The following MGMT variants were observed in gnomAD, a reference collection of about 807,000 sequenced individuals.
MGMT encodes methylated-DNA--protein-cysteine methyltransferase.
A neutral mutation model predicts 15.9 loss-of-function variants in MGMT; 14 were observed. That is an observed-to-expected ratio of 0.88 (90% CI 0.58 to 1.37). The LOEUF (loss-of-function observed/expected upper bound fraction) is 1.37. Among genes scored for constraint, MGMT ranks in the 40% most tolerant of loss-of-function variants. The pLI, the probability that MGMT is intolerant of heterozygous loss-of-function variation, is 0.00. For missense variants in MGMT, 282 were observed against 268.1 expected (o/e 1.05, Z -0.36); for synonymous variants, 130 against 118.2 (o/e 1.10, Z -0.65).
chr10:129,714,356 T>C (rs1269360020), intron 3 of MGMT, among the ~76,000 whole-genome samples: 1 of 152,238 alleles, frequency 6.6e-6, no homozygotes, highest in African/African-American at 2.4e-5. Flanking sequence ...ACCTAGCAAT[T>C]GTCATGAGTA....
intron 3 of MGMT, among the ~76,000 whole-genome samples, chr10:129,731,356 C>CTTTTT (rs547636043): frequency 2.4e-4 from 23 of 96,994 alleles, no homozygotes; most frequent in East Asian, 3.3e-4. Flanking sequence ...AAACCTAAGA[C>CTTTTT]TTTTTTTTTT....
chr10:129,578,628 T>C (rs992846875), intron 2 of MGMT, among the ~76,000 whole-genome samples: 1 of 152,144 alleles, frequency 6.6e-6, no homozygotes, highest in Non-Finnish European at 1.5e-5. Flanking sequence ...CACATGTATA[T>C]GTATGTAAGA....
chr10:129,561,965 A>G (rs1431622431), intron 2 of MGMT, among the ~76,000 whole-genome samples: 2 of 152,230 alleles, frequency 1.3e-5, no homozygotes, highest in East Asian at 1.9e-4. Context: ...AATGAGCTGT[A>G]TAATATGGAC....
At chr10:129,598,890 G>C (rs1846784626) in intron 2 of MGMT, among the ~76,000 whole-genome samples, 1 of 152,090 alleles carries the variant, frequency 6.6e-6, no homozygotes, top group African/African-American at 2.4e-5. Context: ...TTTTGACAGG[G>C]ACATCATTTT....
rs780226670 is a variant in MGMT at position 129,729,245 on chromosome 10, G to A, written c.274+21202G>A. ...CGTGCCTCGTGTGAAAAACGAAAGG[G>A]CCCCACGGGCTGTGTCTGATGGTGT... On this transcript the variant is annotated intron_variant, in intron 3 of 4. Transcript: ENST00000651593. Among the ~76,000 whole-genome samples, 4 of 152,262 alleles carry A rather than the reference G, an allele frequency of 2.6e-5. No homozygotes were observed. The South Asian group carries it at 8.3e-4, about 32-fold the overall frequency.
intron 2 of MGMT, among the ~76,000 whole-genome samples, chr10:129,580,872 C>T (rs928063156): frequency 1.3e-5 from 2 of 152,206 alleles, no homozygotes; most frequent in Non-Finnish European, 2.9e-5. Flanking sequence ...GGCTGCCTTA[C>T]CCTTAGAAGA....
At chr10:129,757,233 A>G (rs935063894) in intron 3 of MGMT, among the ~76,000 whole-genome samples, 1 of 152,220 alleles carries the variant, frequency 6.6e-6, no homozygotes, top group African/African-American at 2.4e-5. Flanking sequence ...ATCTATGGAC[A>G]TATAATTGTT....
intron 2 of MGMT, among the ~76,000 whole-genome samples, chr10:129,559,344 A>G (rs1276550130): frequency 1.3e-5 from 2 of 152,150 alleles, no homozygotes. Context: ...ATCCCATAAG[A>G]CCTTTAAAGC....
At chr10:129,638,744 A>G (rs1362270187) in intron 2 of MGMT, among the ~76,000 whole-genome samples, 1 of 152,216 alleles carries the variant, frequency 6.6e-6, no homozygotes, top group African/African-American at 2.4e-5. Context: ...TAACAATTAT[A>G]ATAAATGTAA....
At chr10:129,737,622 G>T (rs1848579294) in intron 3 of MGMT, among the ~76,000 whole-genome samples, 1 of 152,212 alleles carries the variant, frequency 6.6e-6, no homozygotes, top group African/African-American at 2.4e-5. Context: ...TGGAGGAGGA[G>T]AGGCGCTCTG....
intron 3 of MGMT, among the ~76,000 whole-genome samples, chr10:129,712,857 G>A (rs774539073): frequency 1.5e-4 from 23 of 152,198 alleles, no homozygotes; most frequent in Non-Finnish European, 2.8e-4. Flanking sequence ...ATCCAGGAAA[G>A]AGCCCACCCC....
chr10:129,743,308 T>A (rs61876571), intron 3 of MGMT, among the ~76,000 whole-genome samples: 19,367 of 152,282 alleles, frequency 0.13, 1,309 homozygotes, highest in Middle Eastern at 0.17. Context: ...ATCTCATAGC[T>A]TGTTGGAAAC....
At chr10:129,657,909 C>G (rs1024782144) in intron 2 of MGMT, among the ~76,000 whole-genome samples, 1 of 152,046 alleles carries the variant, frequency 6.6e-6, no homozygotes, top group Non-Finnish European at 1.5e-5. Context: ...AAGCCTGAAC[C>G]GGCCCTTCCC....
chr10:129,698,331 CTG>C (rs1848056148), intron 2 of MGMT, among the ~76,000 whole-genome samples: 1 of 152,176 alleles, frequency 6.6e-6, no homozygotes, highest in African/African-American at 2.4e-5. Flanking sequence ...GTGTTGATCT[CTG>C]TGTATAGATC....
chr10:129,548,606 A>G (rs2119783595), intron 2 of MGMT, among the ~76,000 whole-genome samples: 1 of 152,272 alleles, frequency 6.6e-6, no homozygotes, highest in East Asian at 1.9e-4. Context: ...AGACCGTGAC[A>G]CCCTTCTCAC....
In MGMT at chr10:129,532,246, T is replaced by G. The variant is rs1845940807; in HGVS notation, c.-12-3995T>G. Among the ~76,000 whole-genome samples, 1 of 152,198 alleles carries G rather than the reference T, an allele frequency of 6.6e-6. No homozygotes were observed. The highest frequency in any genetic ancestry group is 2.4e-5 in the African/African-American group (1 of 41,454). ...GGCTCAGTCGGGGATATGCCAGAGC[T>G]TTAGGGTCCCTTGGGCCAGCAGCTG... On this transcript the variant is annotated intron_variant, in intron 1 of 4. Coordinates refer to ENST00000651593, the MANE Select transcript of MGMT (RefSeq NM_002412.5). This position sits in a 1 kb window ranked among gnomAD's most constrained non-coding sequence, Gnocchi z 5.3.
In MGMT at chr10:129,547,766, C is replaced by T. The variant is rs138137455; in HGVS notation, c.125+11389C>T. 1.5e-3 allele frequency among the ~76,000 whole-genome samples: 221 copies of T among 152,316 alleles called. 1 individual carries two copies. Among genetic ancestry groups the T allele is most frequent in the African/African-American group, 5.0e-3 (208 of 41,566 alleles). On this transcript the variant is annotated intron_variant, in intron 2 of 4. Coordinates refer to ENST00000651593, the MANE Select transcript of MGMT (RefSeq NM_002412.5). ...TCTTCGAGTAACACTGGGGAGTGTT[C>T]ATGGCTTCTGGCAGAACAGCAATGT...
intron 2 of MGMT, among the ~76,000 whole-genome samples, chr10:129,588,636 G>A (rs1041650635): frequency 1.3e-5 from 2 of 152,078 alleles, no homozygotes; most frequent in Non-Finnish European, 2.9e-5. Flanking sequence ...ATGGGCCCCC[G>A]AACCCTGGGT....
intron 1 of MGMT, among the ~76,000 whole-genome samples, chr10:129,483,942 A>G (rs1845384132): frequency 6.6e-6 from 1 of 152,150 alleles, no homozygotes; most frequent in African/African-American, 2.4e-5. Flanking sequence ...AAGTTTAAAC[A>G]TGGAATTTTT....
Sources: allele counts gnomAD v4.1 joint callset (sites outside exome capture counted in the v4.1 genomes callset), GRCh38; gene constraint gnomAD v4.1.1; non-coding constraint Gnocchi (gnomAD v3.1); transcripts MANE v1.5; gene names NCBI Gene and HGNC (gene_info 2026-07-23, HGNC 2026-07-21).